Variants in ROBO1 observed in about 807,000 individuals in gnomAD.
ROBO1 encodes roundabout guidance receptor 1.
Under a neutral mutation model 195.9 loss-of-function variants are expected in ROBO1, and 149 were observed. The ratio of observed to expected loss-of-function variants is 0.76; its 90% CI spans 0.67 to 0.87. The LOEUF is 0.87. Among genes scored for constraint, ROBO1 ranks in the 40% least tolerant of loss-of-function variants. ROBO1 has a pLI of 0.00. For missense variants in ROBO1, 1,933 were observed against 2,068.3 expected, an observed-to-expected ratio of 0.93 and a Z score of 1.27; for synonymous variants, 816 against 733.2, an observed-to-expected ratio of 1.11 and a Z score of -1.82.
chr3:78,733,366 G>C (rs1208559963), intron 5 of ROBO1, among the ~76,000 whole-genome samples: 1 of 151,738 alleles, frequency 6.6e-6, no homozygotes, highest in Non-Finnish European at 1.5e-5. Flanking sequence ...ACAATATCTT[G>C]TAAAATCAAA....
chr3:79,408,844 T>C (rs960380421), intron 2 of ROBO1, among the ~76,000 whole-genome samples: 2 of 152,156 alleles, frequency 1.3e-5, no homozygotes, highest in African/African-American at 2.4e-5. Context: ...AAATAAATGT[T>C]TTTCCAAGAG....
intron 2 of ROBO1, among the ~76,000 whole-genome samples, chr3:79,418,621 G>T (rs1235062231): frequency 6.6e-6 from 1 of 151,966 alleles, no homozygotes; most frequent in Admixed American, 6.6e-5. Flanking sequence ...TATTTAAATT[G>T]GGCACCACGG....
At chr3:79,049,350 A>G (rs758346228) in intron 3 of ROBO1, among the ~76,000 whole-genome samples, 1 of 152,176 alleles carries the variant, frequency 6.6e-6, no homozygotes, top group Non-Finnish European at 1.5e-5. Context: ...ATTAGAGAAA[A>G]ATGAATGAAA....
At chr3:79,102,989 T>G (rs1206368308) in intron 3 of ROBO1, among the ~76,000 whole-genome samples, 1 of 151,700 alleles carries the variant, frequency 6.6e-6, no homozygotes, top group Non-Finnish European at 1.5e-5. Flanking sequence ...AAAGAAAAAC[T>G]GAAAAGGAAA....
At chr3:79,438,067 T>C (rs1418973737) in intron 2 of ROBO1, among the ~76,000 whole-genome samples, 1 of 151,882 alleles carries the variant, frequency 6.6e-6, no homozygotes, top group African/African-American at 2.4e-5. Flanking sequence ...GAAACAGAAA[T>C]TGGGATATCT....
intron 2 of ROBO1, among the ~76,000 whole-genome samples, chr3:79,569,004 A>G (rs1943184155): frequency 6.6e-6 from 1 of 152,320 alleles, no homozygotes; most frequent in South Asian, 2.1e-4. Context: ...CCACATAATT[A>G]GCTATCAGCT....
At chr3:79,555,615 A>G (rs1270391299) in intron 2 of ROBO1, among the ~76,000 whole-genome samples, 1 of 152,162 alleles carries the variant, frequency 6.6e-6, no homozygotes, top group East Asian at 1.9e-4. Context: ...GCATTTTCAT[A>G]GGTGCGTGGC....
intron 4 of ROBO1, among the ~76,000 whole-genome samples, chr3:78,873,977 C>G (rs2035694363): frequency 1.3e-5 from 2 of 151,864 alleles, no homozygotes; most frequent in African/African-American, 4.8e-5. Context: ...GTAACCCATA[C>G]TCCATTTATC....
At chr3:78,755,406 T>A (rs1008626525) in intron 4 of ROBO1, among the ~76,000 whole-genome samples, 2 of 152,002 alleles carry the variant, frequency 1.3e-5, no homozygotes. Flanking sequence ...CCTGGGAGAT[T>A]GAGGCCACTT....
At chr3:78,856,065 TC>T (rs1559929243) in intron 4 of ROBO1, among the ~76,000 whole-genome samples, 1 of 151,970 alleles carries the variant, frequency 6.6e-6, no homozygotes, top group African/African-American at 2.4e-5. Context: ...TTCTTTTTTT[TC>T]AAGCTTCAGA....
intron 2 of ROBO1, among the ~76,000 whole-genome samples, chr3:79,505,900 A>G (rs1041603648): frequency 2.0e-5 from 3 of 152,180 alleles, no homozygotes; most frequent in African/African-American, 7.2e-5. Context: ...AGACATGGGT[A>G]AGGGAGAATT....
chr3:79,634,432 A>T (rs907888554), intron 1 of ROBO1, among the ~76,000 whole-genome samples: 37 of 152,012 alleles, frequency 2.4e-4, no homozygotes, highest in African/African-American at 7.3e-4. Flanking sequence ...AATTCTGCCA[A>T]CATTCAACAG....
At chr3:79,725,248 A>T (rs998204140) in intron 1 of ROBO1, among the ~76,000 whole-genome samples, 1 of 103,192 alleles carries the variant, frequency 9.7e-6, no homozygotes, top group Admixed American at 1.3e-4. Context: ...TTTTTTTGAG[A>T]CGGAGTCTCG....
At chr3:79,459,854 A>G (rs1240236191) in intron 2 of ROBO1, among the ~76,000 whole-genome samples, 1 of 152,168 alleles carries the variant, frequency 6.6e-6, no homozygotes, top group Non-Finnish European at 1.5e-5. Flanking sequence ...GCAGCCAGGC[A>G]AAGCAAATGT....
chr3:79,026,040 T>C (rs1034287978), intron 3 of ROBO1, among the ~76,000 whole-genome samples: 5 of 152,194 alleles, frequency 3.3e-5, no homozygotes, highest in African/African-American at 1.2e-4. Context: ...TGTGTCATTA[T>C]TGTATTACAT....
intron 1 of ROBO1, among the ~76,000 whole-genome samples, chr3:79,690,510 C>G (rs2107073252): frequency 6.6e-6 from 1 of 152,130 alleles, no homozygotes; most frequent in East Asian, 1.9e-4. Context: ...GATAAGAACA[C>G]AGACTTATGG....
At chr3:79,628,418 G>T (rs1293392120) in intron 1 of ROBO1, among the ~76,000 whole-genome samples, 2 of 152,098 alleles carry the variant, frequency 1.3e-5, no homozygotes, top group African/African-American at 4.8e-5. Context: ...TCACTCATAA[G>T]TGGAAGTTGA....
intron 10 of ROBO1, among the ~76,000 whole-genome samples, chr3:78,677,052 A>G (rs9826223): frequency 0.57 from 85,438 of 151,136 alleles, 24,878 homozygotes; most frequent in East Asian, 0.78. Flanking sequence ...TTTTCAACCC[A>G]CAATTTCATA....
chr3:79,018,330 T>C, intron 3 of ROBO1: 2 of 1,570,870 alleles, frequency 1.3e-6, no homozygotes, highest in Non-Finnish European at 1.7e-6. Flanking sequence ...CAAAATACAC[T>C]TCTGGGTTTG....
Sources: gnomAD v4.1 joint callset for allele counts (sites outside exome capture counted in the v4.1 genomes callset) on GRCh38, gnomAD v4.1.1 for gene constraint, MANE v1.5 for transcripts, NCBI Gene and HGNC (gene_info 2026-07-23, HGNC 2026-07-21) for gene names.